Variants in TMPRSS15 observed in about 807,000 individuals in gnomAD.
TMPRSS15 encodes transmembrane serine protease 15, also known as enteropeptidase.
In TMPRSS15, 128 loss-of-function variants were observed where a neutral mutation model predicts 125.3. The ratio of observed to expected loss-of-function variants is 1.02; its 90% CI spans 0.89 to 1.18. The LOEUF is 1.18. TMPRSS15 is among the 50% of genes most tolerant of loss of function. The pLI, the probability that TMPRSS15 is intolerant of heterozygous loss-of-function variation, is 0.00. For synonymous variants in TMPRSS15, 446 were observed against 423.2 expected, an observed-to-expected ratio of 1.05 and a Z score of -0.66; for missense variants, 1,283 against 1,212.7, an observed-to-expected ratio of 1.06 and a Z score of -0.86.
At position 18,269,865 on chromosome 21, in the gene TMPRSS15, CT is replaced by C; in HGVS notation, c.*103del. On this transcript the variant is annotated 3_prime_UTR_variant, in exon 25 of 25. Transcript: ENST00000284885. The stretch of plus-strand genomic sequence containing the variant: ...CATTGACATAGGTAAGAATAAAAAC[CT>C]TTGGTAACTTTTTAAAATTTTTGTA... The C allele has an allele frequency of 6.9e-7, 1 of 1,439,494 alleles. No homozygotes were observed. The highest frequency in any genetic ancestry group is 1.4e-5 in the African/African-American group (1 of 70,262). The allele number at this position is 1,439,494 out of a possible 1,614,324, so 89.2% of individuals were successfully genotyped here. A position where few individuals can be genotyped will look rare whatever the true frequency, so the allele number is the denominator to read the frequency against.
intron 1 of TMPRSS15, among the ~76,000 whole-genome samples, chr21:18,481,624 A>T (rs1199935482): frequency 6.6e-6 from 1 of 151,724 alleles, no homozygotes; most frequent in African/African-American, 2.4e-5. Context: ...TGAGATAAAC[A>T]AAAAATCCAA....
chr21:18,289,784 T>C (rs576867504), intron 21 of TMPRSS15, among the ~76,000 whole-genome samples: 1 of 149,812 alleles, frequency 6.7e-6, no homozygotes, highest in African/African-American at 2.4e-5. Flanking sequence ...CTATATATGA[T>C]TGCCCACCCA....
At chr21:18,436,758 GAA>G (rs2076228731) in intron 1 of TMPRSS15, among the ~76,000 whole-genome samples, 1 of 145,034 alleles carries the variant, frequency 6.9e-6, no homozygotes, top group Non-Finnish European at 1.5e-5. Flanking sequence ...TCTTCAAGGA[GAA>G]CTACAAACCA....
At chr21:18,347,031 C>T (rs1389320778) in intron 10 of TMPRSS15, among the ~76,000 whole-genome samples, 1 of 152,114 alleles carries the variant, frequency 6.6e-6, no homozygotes, top group Non-Finnish European at 1.5e-5. Flanking sequence ...AATTTTTTGA[C>T]ACTTTGTGTC....
At chr21:18,284,976 G>T (rs2074745117) in intron 21 of TMPRSS15, among the ~76,000 whole-genome samples, 1 of 150,014 alleles carries the variant, frequency 6.7e-6, no homozygotes, top group Admixed American at 6.7e-5. Flanking sequence ...ACTCCAGCCT[G>T]GGTGACAAGA....
rs1175339562 is a variant in TMPRSS15, at chr21:18,352,896, A to C, written c.1171+7T>G. 6.2e-7 allele frequency: 1 copy of C among 1,611,828 alleles called. No homozygotes were observed. The highest frequency in any genetic ancestry group is 1.7e-5 in the Admixed American group (1 of 59,928). ...TCCTTTTGACTTCTGAATTAAATGA[A>C]TTATACCTGAAGCATTGCCAAAAGT... On this transcript the variant is annotated splice_region_variant and intron_variant, in intron 10 of 24. Transcript: ENST00000284885.
intron 1 of TMPRSS15, among the ~76,000 whole-genome samples, chr21:18,415,753 G>C (rs1360861855): frequency 6.6e-6 from 1 of 151,890 alleles, no homozygotes; most frequent in Non-Finnish European, 1.5e-5. Context: ...AATTACTATG[G>C]TTTCTACCAC....
intron 4 of TMPRSS15, among the ~76,000 whole-genome samples, chr21:18,379,626 G>A (rs986818984): frequency 6.6e-6 from 1 of 152,016 alleles, no homozygotes; most frequent in African/African-American, 2.4e-5. Flanking sequence ...ATCTCATAAT[G>A]ACCATAGACG....
intron 1 of TMPRSS15, among the ~76,000 whole-genome samples, chr21:18,461,733 A>G (rs1377729572): frequency 3.3e-5 from 5 of 152,042 alleles, no homozygotes; most frequent in Admixed American, 3.3e-4. Context: ...CCTCCTTTTA[A>G]TTATATAGTA....
chr21:18,294,582 T>G, intron 20 of TMPRSS15, 21 bp downstream of exon 20: 1 of 1,608,478 alleles, frequency 6.2e-7, no homozygotes, highest in East Asian at 2.2e-5. Context: ...TGAAGTGGGA[T>G]ATGACAACAT....
intron 1 of TMPRSS15, among the ~76,000 whole-genome samples, chr21:18,437,728 CTCA>C (rs2076231081): frequency 6.6e-6 from 1 of 152,170 alleles, no homozygotes; most frequent in South Asian, 2.1e-4. Flanking sequence ...TGAAAAAATG[CTCA>C]TCATCACTGG....
At chr21:18,307,566 C>T (rs1192128393) in intron 18 of TMPRSS15, among the ~76,000 whole-genome samples, 1 of 152,092 alleles carries the variant, frequency 6.6e-6, no homozygotes, top group African/African-American at 2.4e-5. Context: ...TATTATGTGT[C>T]TATCATCACC....
At chr21:18,420,730 T>C (rs1361967966) in intron 1 of TMPRSS15, among the ~76,000 whole-genome samples, 1 of 152,198 alleles carries the variant, frequency 6.6e-6, no homozygotes, top group Non-Finnish European at 1.5e-5. Flanking sequence ...CTGAGGATGA[T>C]ACTGCCTGCG....
chr21:18,432,776 C>T (rs116039352), intron 1 of TMPRSS15, among the ~76,000 whole-genome samples: 4,457 of 152,178 alleles, frequency 0.029, 196 homozygotes, highest in African/African-American at 0.1. Flanking sequence ...TTGTTTAAAG[C>T]CACCAGCTTG....
At chr21:18,402,821 A>G (rs890700857) in intron 1 of TMPRSS15, among the ~76,000 whole-genome samples, 2 of 152,194 alleles carry the variant, frequency 1.3e-5, no homozygotes, top group Admixed American at 1.3e-4. Context: ...TAAAACGAGC[A>G]TACCAATAAG....
intron 1 of TMPRSS15, among the ~76,000 whole-genome samples, chr21:18,416,715 G>A (rs895175928): frequency 2.6e-5 from 4 of 151,962 alleles, no homozygotes; most frequent in Admixed American, 6.6e-5. Context: ...TCTTGTTTAT[G>A]AGTTTAAATT....
intron 6 of TMPRSS15, among the ~76,000 whole-genome samples, chr21:18,368,596 C>A (rs993823798): frequency 1.3e-5 from 2 of 152,006 alleles, no homozygotes; most frequent in African/African-American, 4.8e-5. Context: ...TTTCTTGCAC[C>A]GTGATATAGG....
At chr21:18,401,540 T>A (rs1271959419) in intron 1 of TMPRSS15, among the ~76,000 whole-genome samples, 1 of 152,102 alleles carries the variant, frequency 6.6e-6, no homozygotes, top group Non-Finnish European at 1.5e-5. Context: ...CAGGCACTCG[T>A]GGACATAAAG....
chr21:18,381,771 G>A (rs879449890), intron 4 of TMPRSS15, among the ~76,000 whole-genome samples: 1 of 152,070 alleles, frequency 6.6e-6, no homozygotes, highest in Non-Finnish European at 1.5e-5. Flanking sequence ...CAGACCATCA[G>A]AAACCAATGC....
Sources: gnomAD v4.1 joint callset for allele counts (sites outside exome capture counted in the v4.1 genomes callset) on GRCh38, gnomAD v4.1.1 for gene constraint, MANE v1.5 for transcripts, NCBI Gene and HGNC (gene_info 2026-07-23, HGNC 2026-07-21) for gene names.